UNC79: variants seen among roughly 807,000 people sequenced by gnomAD.
The protein encoded by UNC79 is unc-79 subunit of NALCN channel complex.
In UNC79, 37 loss-of-function variants were observed where a neutral mutation model predicts 283.1. The ratio of observed to expected loss-of-function variants is 0.13; its 90% CI spans 0.10 to 0.17. The LOEUF is 0.17. Among genes scored for constraint, UNC79 ranks in the 10% least tolerant of loss-of-function variants. The pLI, the probability that UNC79 is intolerant of heterozygous loss-of-function variation, is 1.00. For synonymous variants in UNC79, 1,107 were observed against 1,200.2 expected (o/e 0.92, Z 1.61); for missense variants, 2,272 against 3,211.1 (o/e 0.71, Z 7.07).
At chr14:93,614,399 C>T (rs1469017905) in intron 27 of UNC79, among the ~76,000 whole-genome samples, 1 of 151,982 alleles carries the variant, frequency 6.6e-6, no homozygotes, top group Non-Finnish European at 1.5e-5. Flanking sequence ...TCACTGCAAG[C>T]TCCGCCTCCT....
intron 1 of UNC79, among the ~76,000 whole-genome samples, chr14:93,459,674 C>CTTTTTT (rs34182907): frequency 1.1e-5 from 1 of 90,682 alleles, no homozygotes; most frequent in African/African-American, 4.9e-5. Context: ...GTTTATTCAA[C>CTTTTTT]TTTTTTTTTT....
chr14:93,566,659 G>A (rs994305552), intron 14 of UNC79, among the ~76,000 whole-genome samples: 1 of 130,642 alleles, frequency 7.7e-6, no homozygotes, highest in Non-Finnish European at 1.6e-5. Context: ...TTTTTTTTGA[G>A]ACGGAATCTT....
At chr14:93,602,609 T>A (rs2065593514) in intron 25 of UNC79, among the ~76,000 whole-genome samples, 1 of 152,168 alleles carries the variant, frequency 6.6e-6, no homozygotes, top group Non-Finnish European at 1.5e-5. Context: ...TCCGTAGGAA[T>A]TTTAGAGTTG....
At chr14:93,371,436 A>G (rs1403655642) in intron 1 of UNC79, among the ~76,000 whole-genome samples, 4 of 152,026 alleles carry the variant, frequency 2.6e-5, no homozygotes, top group Admixed American at 2.6e-4. Flanking sequence ...AAAACAAAAC[A>G]AAAAAACGCA....
At chr14:93,565,028 G>A (rs2062793049) in intron 14 of UNC79, among the ~76,000 whole-genome samples, 1 of 152,088 alleles carries the variant, frequency 6.6e-6, no homozygotes, top group African/African-American at 2.4e-5. Context: ...CCAAAGAATG[G>A]GCTAAGAGAC....
chr14:93,473,733 A>G (rs535687122), intron 2 of UNC79, among the ~76,000 whole-genome samples: 1 of 152,248 alleles, frequency 6.6e-6, no homozygotes, highest in East Asian at 1.9e-4. Flanking sequence ...AAGAGCCCTT[A>G]CTCATTAGAC....
At chr14:93,703,033 G>T (rs1247211187) in intron 47 of UNC79, among the ~76,000 whole-genome samples, 1 of 152,208 alleles carries the variant, frequency 6.6e-6, no homozygotes, top group Non-Finnish European at 1.5e-5. Flanking sequence ...CCCTAATTTG[G>T]CATTTAGGGC....
upstream of UNC79, among the ~76,000 whole-genome samples, chr14:93,425,569 G>A (rs190174470): frequency 1.2e-3 from 183 of 152,228 alleles, no homozygotes; most frequent in African/African-American, 4.3e-3. Flanking sequence ...CTGGCAAATA[G>A]CCTCATATAT....
At chr14:93,434,867 T>C (rs1456406154) in intron 1 of UNC79, among the ~76,000 whole-genome samples, 1 of 152,150 alleles carries the variant, frequency 6.6e-6, no homozygotes, top group Non-Finnish European at 1.5e-5. Context: ...ATATAAAACC[T>C]TATGCTTGCT....
Position 93,617,453 on chromosome 14 carries a change from C to T in UNC79, c.4224+149C>T. 1.3e-6 allele frequency: 1 copy of T among 791,118 alleles called. No individual in the cohort carries two copies. Among genetic ancestry groups the T allele is most frequent in the Non-Finnish European group, 1.9e-6 (1 of 526,114 alleles). The allele number at this position is 791,118 out of a possible 1,614,324, so 49.0% of individuals were successfully genotyped here. A position where few individuals can be genotyped will look rare whatever the true frequency, so the allele number is the denominator to read the frequency against. Reference sequence around the variant, plus strand: ...AGGATATGCAATTACTGTTAAGAACCAAAGAGCTATTGAAATGAAAATAGA... The same window carrying T: ...AGGATATGCAATTACTGTTAAGAACTAAAGAGCTATTGAAATGAAAATAGA... On this transcript the variant is annotated intron_variant, in intron 28 of 48. Transcript: ENST00000555664. This position sits in a 1 kb window ranked among gnomAD's most constrained non-coding sequence, Gnocchi z 4.5.
At chr14:93,589,773 A>G (rs1235466467) in intron 22 of UNC79, among the ~76,000 whole-genome samples, 1 of 152,132 alleles carries the variant, frequency 6.6e-6, no homozygotes, top group Non-Finnish European at 1.5e-5. Flanking sequence ...CTCAAGAGAA[A>G]ATCTTAAGGC....
At chr14:93,410,242 G>A (rs1021974529) in intron 1 of UNC79, among the ~76,000 whole-genome samples, 3 of 152,210 alleles carry the variant, frequency 2.0e-5, no homozygotes, top group East Asian at 3.8e-4. Flanking sequence ...CTCAGCTGAC[G>A]TCTGCCCACA....
chr14:93,493,224 C>A (rs751428999), intron 5 of UNC79, among the ~76,000 whole-genome samples: 10 of 151,976 alleles, frequency 6.6e-5, no homozygotes, highest in Admixed American at 3.9e-4. Flanking sequence ...TCTCATGTGT[C>A]ACGGGGGAGT....
chr14:93,678,629 C>T (rs1214756661), intron 41 of UNC79, among the ~76,000 whole-genome samples: 1 of 152,230 alleles, frequency 6.6e-6, no homozygotes, highest in African/African-American at 2.4e-5. Flanking sequence ...TGGTACCAAT[C>T]TGTTTTTTAA....
intron 1 of UNC79, among the ~76,000 whole-genome samples, chr14:93,405,157 C>T (rs185713925): frequency 2.0e-5 from 3 of 151,898 alleles, no homozygotes; most frequent in Non-Finnish European, 4.4e-5. Context: ...GTGGCGGGCA[C>T]CTGTAATCCC....
chr14:93,365,840 C>T (rs2054318492), intron 1 of UNC79, among the ~76,000 whole-genome samples: 4 of 151,982 alleles, frequency 2.6e-5, no homozygotes, highest in Non-Finnish European at 5.9e-5. Flanking sequence ...ATAAAGGAGT[C>T]AAATAAAAGT....
At chr14:93,535,522 C>T (rs1403729499) in intron 11 of UNC79, among the ~76,000 whole-genome samples, 5 of 152,116 alleles carry the variant, frequency 3.3e-5, no homozygotes, top group Non-Finnish European at 7.4e-5. Flanking sequence ...ATCAGAGATT[C>T]GGACAGGGCA....
intron 42 of UNC79, among the ~76,000 whole-genome samples, chr14:93,686,179 C>G (rs545312893): frequency 6.6e-6 from 1 of 152,242 alleles, no homozygotes; most frequent in African/African-American, 2.4e-5. Context: ...TAAGACTTCC[C>G]TAGAATGAGA....
chr14:93,477,634 C>T lies in UNC79; in HGVS notation c.525C>T (p.Pro175=), dbSNP rs191837926. 1.9e-3 allele frequency: 3,135 copies of T among 1,613,098 alleles called. 13 individuals carry two copies. The highest frequency in any genetic ancestry group is 2.8e-3 in the Middle Eastern group (17 of 6,056). The change falls in exon 4 of 49, where the codon CCC becomes CCT. Residue 175 remains proline (P), a synonymous_variant. Coordinates refer to ENST00000555664, the Ensembl canonical transcript of UNC79. ...ATGATGATATTCTGAGTACTTTGCC[C>T]TACACGATGATATCAACGTTGGCTA...
Sources: gnomAD v4.1 joint callset for allele counts (sites outside exome capture counted in the v4.1 genomes callset) on GRCh38, gnomAD v4.1.1 for gene constraint, Gnocchi (gnomAD v3.1) non-coding constraint, MANE v1.5 for transcripts, NCBI Gene and HGNC (gene_info 2026-07-23, HGNC 2026-07-21) for gene names.